The following LHX6 variants were observed in gnomAD, a reference collection of about 807,000 sequenced individuals.
LHX6 encodes LIM homeobox 6, also known as LIM/homeobox protein Lhx6.
Under a neutral mutation model 47.1 loss-of-function variants are expected in LHX6, and 15 were observed. The observed-to-expected ratio is 0.32, with a 90% CI of 0.21 to 0.49. LHX6 has a LOEUF of 0.49. Ranked by LOEUF, LHX6 falls within the 20% of genes least tolerant of loss-of-function variation. LHX6 has a pLI of 0.99. For missense variants in LHX6, 404 were observed against 539.6 expected (o/e 0.75, Z 2.49); for synonymous variants, 242 against 233.5 (o/e 1.04, Z -0.33).
intron 9 of LHX6, among the ~76,000 whole-genome samples, chr9:122,206,460 G>A (rs1272752778): frequency 1.3e-5 from 2 of 152,186 alleles, no homozygotes; most frequent in African/African-American, 2.4e-5. Flanking sequence ...AGGAGCTGGC[G>A]GAAAGGCCTG....
At chr9:122,218,941 TC>T (rs1325862884) in intron 4 of LHX6, among the ~76,000 whole-genome samples, 1 of 152,160 alleles carries the variant, frequency 6.6e-6, no homozygotes, top group Non-Finnish European at 1.5e-5. Flanking sequence ...TGTAAATGTT[TC>T]GTTTCTGGCT....
At position 122,226,839 on chromosome 9, in the gene LHX6, C is replaced by G. The variant is rs2118917840; in HGVS notation, c.339+9G>C. On this transcript the variant is annotated intron_variant, in intron 3 of 9. Coordinates refer to ENST00000394319, the MANE Select transcript of LHX6 (RefSeq NM_014368.5). This position sits in a 1 kb window ranked among gnomAD's most constrained non-coding sequence, Gnocchi z 6.5. ...GACAACACGCACGCAACACCTACCC[C>G]TGTCTCACCTTGAGCAGATATCGGT... is the stretch of plus-strand genomic sequence containing the variant. The G allele has an allele frequency of 1.9e-6, 3 of 1,560,218 alleles. No individual in the cohort carries two copies. The highest frequency in any genetic ancestry group is 2.6e-6 in the Non-Finnish European group (3 of 1,152,410).
In LHX6 at chr9:122,220,629, C is replaced by T. The variant is rs1284946462; in HGVS notation, c.462-3341G>A. The stretch of plus-strand genomic sequence containing the variant: ...GGATTAGGGGGTGTGTCCACTGCCA[C>T]CCCAGCCTTGCTGTGAGGTCCGGGC... On this transcript the variant is annotated intron_variant, in intron 4 of 9. Coordinates refer to ENST00000394319, the MANE Select transcript of LHX6 (RefSeq NM_014368.5). Among the ~76,000 whole-genome samples, 4 of 152,374 alleles carry T rather than the reference C, an allele frequency of 2.6e-5. No homozygotes were observed. The East Asian group carries it at 5.8e-4, about 22-fold the overall frequency.
intron 8 of LHX6, among the ~76,000 whole-genome samples, chr9:122,212,870 G>C (rs970595437): frequency 6.6e-6 from 1 of 152,168 alleles, no homozygotes; most frequent in Admixed American, 6.5e-5. Context: ...GAACACAGAA[G>C]GCACTCAAGA....
Position 122,227,439 on chromosome 9 carries a change from G to C in LHX6, c.126C>G (p.Arg42=). The C allele has an allele frequency of 6.5e-7, 1 of 1,532,862 alleles. No individual in the cohort carries two copies. Among genetic ancestry groups the C allele is most frequent in the Non-Finnish European group, 8.7e-7 (1 of 1,143,184 alleles). The allele number at this position is 1,532,862 out of a possible 1,614,324, so 95.0% of individuals were successfully genotyped here. A position where few individuals can be genotyped will look rare whatever the true frequency, so the allele number is the denominator to read the frequency against. ...QPGSGCKATT[R]CLEGTAPPAM... is the part of the protein sequence containing the mutation. ...CGGGCGGCGCGGTCCCTTCAAGACA[G>C]CGGGTGGTCGCTTTGCAGCCGGACC... The change falls in exon 2 of 10, where the codon CGC becomes CGG. Residue 42 remains arginine (R), a synonymous_variant. Coordinates refer to ENST00000394319, the MANE Select transcript of LHX6 (RefSeq NM_014368.5).
intron 8 of LHX6, among the ~76,000 whole-genome samples, chr9:122,212,838 C>T (rs765882318): frequency 3.9e-5 from 6 of 152,172 alleles, no homozygotes; most frequent in Non-Finnish European, 7.3e-5. Flanking sequence ...CTACTGTGTT[C>T]ACTGTCGTAT....
At position 122,217,334 on chromosome 9, in the gene LHX6, C is replaced by A; in HGVS notation, c.462-46G>T. 6.6e-7 allele frequency: 1 copy of A among 1,508,358 alleles called. No homozygotes were observed. The highest frequency in any genetic ancestry group is 9.0e-7 in the Non-Finnish European group (1 of 1,113,354). 93.4% of individuals were successfully genotyped at this position (1,508,358 alleles called of 1,614,324 possible). A position where few individuals can be genotyped will look rare whatever the true frequency, so the allele number is the denominator to read the frequency against. On this transcript the variant is annotated intron_variant, in intron 4 of 9. Transcript: ENST00000394319. This position sits in a 1 kb window ranked among gnomAD's most constrained non-coding sequence, Gnocchi z 4.9. ...CACGGGGTGTCGAGACTCAGACAGG[C>A]CAACCTTCCTCCTTCCACCACCCAA...
chr9:122,218,408 ATCC>A (rs1286133779), intron 4 of LHX6, among the ~76,000 whole-genome samples: 4 of 151,970 alleles, frequency 2.6e-5, no homozygotes, highest in Admixed American at 1.3e-4. Flanking sequence ...TCAACCCCTC[ATCC>A]AGCCAATCAT....
chr9:122,227,129 C>T, intron 2 of LHX6, 99 bp from the exon 3 acceptor site: 1 of 1,132,752 alleles, frequency 8.8e-7, no homozygotes, highest in Non-Finnish European at 1.2e-6. Context: ...CAATTGACAA[C>T]GAAATCTCCC....
At chr9:122,210,672 C>T (rs1264898479) in intron 8 of LHX6, among the ~76,000 whole-genome samples, 2 of 152,136 alleles carry the variant, frequency 1.3e-5, no homozygotes, top group African/African-American at 2.4e-5. Context: ...AGTGATTCTC[C>T]CACCTTAGCC....
chr9:122,218,289 A>C (rs1432197527), intron 4 of LHX6, among the ~76,000 whole-genome samples: 2 of 152,128 alleles, frequency 1.3e-5, no homozygotes, highest in African/African-American at 4.8e-5. Flanking sequence ...ACTCTGTCCC[A>C]ACCCTAGCAG....
chr9:122,219,819 G>A (rs973167742), intron 4 of LHX6, among the ~76,000 whole-genome samples: 2 of 152,230 alleles, frequency 1.3e-5, no homozygotes, highest in East Asian at 3.9e-4. Context: ...GGAGCAACTG[G>A]ACTGGCGACG....
intron 4 of LHX6, among the ~76,000 whole-genome samples, chr9:122,224,818 A>G (rs747396850): frequency 1.3e-5 from 2 of 152,142 alleles, no homozygotes; most frequent in Non-Finnish European, 2.9e-5. Flanking sequence ...CACACATGCT[A>G]TCTACATACC....
intron 4 of LHX6, chr9:122,221,347 G>C: frequency 2.0e-6 from 2 of 985,602 alleles, no homozygotes; most frequent in Non-Finnish European, 2.4e-6. Flanking sequence ...CCAACAGCTG[G>C]CCGCCGCTGG....
rs1830036809 is a variant in LHX6, at chr9:122,202,759, G to A, written c.*2001C>T. On this transcript the variant is annotated 3_prime_UTR_variant, in exon 10 of 10. Transcript: ENST00000394319. ...TTTTTGTATTTAAATAAATAGTCTT[G>A]ATGGCCTGTACGTTCCCAGGCTGCT... The A allele has an allele frequency of 6.6e-6, 1 of 152,386 alleles. No individual in the cohort carries two copies. Among genetic ancestry groups the A allele is most frequent in the Non-Finnish European group, 1.5e-5 (1 of 68,018 alleles). The allele number at this position is 152,386 out of a possible 1,614,324, so 9.4% of individuals were successfully genotyped here.
intron 5 of LHX6, among the ~76,000 whole-genome samples, chr9:122,215,811 G>A (rs1830574105): frequency 6.6e-6 from 1 of 152,202 alleles, no homozygotes; most frequent in Admixed American, 6.5e-5. Flanking sequence ...TGCGGTCCCT[G>A]ACTAGTCTCC....
intron 9 of LHX6, among the ~76,000 whole-genome samples, chr9:122,206,197 G>A (rs1042856158): frequency 3.3e-5 from 5 of 152,194 alleles, no homozygotes; most frequent in African/African-American, 1.2e-4. Flanking sequence ...GCCAAATGAC[G>A]ATGCGGTGGA....
intron 9 of LHX6, 104 bp downstream of exon 9, chr9:122,209,510 G>A (rs1044374366): frequency 3.2e-6 from 5 of 1,542,980 alleles, no homozygotes; most frequent in Middle Eastern, 1.7e-4. Flanking sequence ...GACAGGGTCT[G>A]CCACAGCGCA....
rs11540516 is a variant in LHX6 at position 122,204,758 on chromosome 9, C to T, written c.*2G>A. On this transcript the variant is annotated 3_prime_UTR_variant, in exon 10 of 10. Transcript: ENST00000394319. The stretch of plus-strand genomic sequence containing the variant: ...CGGGCAGATGCGGAAGTGCCGGCAG[C>T]GTTAGTACTGAAAAAGGATGACCTG... 3,451 of 1,596,024 alleles carry T rather than the reference C, an allele frequency of 2.2e-3. 84 individuals are homozygous for T. The African/African-American group carries it at 0.041, about 19-fold the overall frequency.
Sources: allele counts gnomAD v4.1 joint callset (sites outside exome capture counted in the v4.1 genomes callset), GRCh38; gene constraint gnomAD v4.1.1; non-coding constraint Gnocchi (gnomAD v3.1); transcripts MANE v1.5; gene names NCBI Gene and HGNC (gene_info 2026-07-23, HGNC 2026-07-21).